The following SLC23A2 variants were observed in gnomAD, a reference collection of about 807,000 sequenced individuals.
SLC23A2 encodes the protein solute carrier family 23 member 2, also known as Na(+)/L-ascorbic acid transporter 2.
Under a neutral mutation model 73.3 loss-of-function variants are expected in SLC23A2, and 36 were observed. The ratio of observed to expected loss-of-function variants is 0.49; its 90% CI spans 0.38 to 0.65. SLC23A2 has a LOEUF of 0.65. SLC23A2 is among the 30% of genes least tolerant of loss of function. The probability of loss-of-function intolerance (pLI) is 0.00; values close to 1 mark genes in which losing one functional copy is unlikely to be tolerated. For missense variants in SLC23A2, 507 were observed against 841.6 expected, an observed-to-expected ratio of 0.60 and a Z score of 4.92; for synonymous variants, 343 against 327.3, an observed-to-expected ratio of 1.05 and a Z score of -0.52.
At chr20:5,010,311 G>A (rs550757412), upstream of SLC23A2, 1 of 152,146 alleles carries the variant, frequency 6.6e-6, no homozygotes, top group South Asian at 2.1e-4. Context: ...TCCAGAAGAG[G>A]GTGCAAATGT....
At chr20:5,008,481 C>T (rs1031493057) in intron 1 of SLC23A2, among the ~76,000 whole-genome samples, 4 of 152,304 alleles carry the variant, frequency 2.6e-5, no homozygotes, top group Middle Eastern at 3.4e-3. Flanking sequence ...TCTGCAGCTC[C>T]GGCAGATCTG....
intron 6 of SLC23A2, among the ~76,000 whole-genome samples, chr20:4,896,617 C>T (rs375618934): frequency 7.9e-5 from 12 of 152,158 alleles, no homozygotes; most frequent in East Asian, 1.9e-4. Flanking sequence ...ACCCCCAGGA[C>T]GAGAAAGAGT....
At chr20:4,903,063 T>C (rs1931810748) in intron 4 of SLC23A2, among the ~76,000 whole-genome samples, 1 of 144,724 alleles carries the variant, frequency 6.9e-6, no homozygotes, top group Non-Finnish European at 1.5e-5. Context: ...CAAACACTAT[T>C]GCTCAGATAA....
intron 3 of SLC23A2, among the ~76,000 whole-genome samples, chr20:4,923,338 G>A (rs1467363946): frequency 1.3e-5 from 2 of 152,096 alleles, no homozygotes; most frequent in Admixed American, 6.5e-5. Flanking sequence ...GCATCCCATC[G>A]TTTTGATGTT....
chr20:4,893,440 A>C (rs1446998944), intron 6 of SLC23A2, among the ~76,000 whole-genome samples: 1 of 152,186 alleles, frequency 6.6e-6, no homozygotes, highest in Non-Finnish European at 1.5e-5. Context: ...CAGAAAGAGA[A>C]GTGGGGTCTC....
At chr20:4,926,529 T>C (rs1258384375) in intron 3 of SLC23A2, among the ~76,000 whole-genome samples, 1 of 151,068 alleles carries the variant, frequency 6.6e-6, no homozygotes, top group African/African-American at 2.4e-5. Flanking sequence ...TTTTTTTTTT[T>C]TTCCTGATTC....
At chr20:5,004,669 A>T (rs1175849502), upstream of SLC23A2, among the ~76,000 whole-genome samples, 2 of 151,844 alleles carry the variant, frequency 1.3e-5, no homozygotes, top group Non-Finnish European at 2.9e-5. Flanking sequence ...ACATGGGGAG[A>T]CCCCATCTCT....
At chr20:4,908,995 C>T (rs893045666) in intron 4 of SLC23A2, among the ~76,000 whole-genome samples, 10 of 152,116 alleles carry the variant, frequency 6.6e-5, no homozygotes, top group African/African-American at 2.4e-4. Flanking sequence ...AATACACATG[C>T]AGTATTTTCC....
At chr20:4,859,895 T>A (rs1328443882) in intron 15 of SLC23A2, among the ~76,000 whole-genome samples, 1 of 152,200 alleles carries the variant, frequency 6.6e-6, no homozygotes, top group Non-Finnish European at 1.5e-5. Context: ...ATATGACATA[T>A]TAAATGTAAA....
chr20:4,994,740 G>A (rs963722548), intron 1 of SLC23A2, among the ~76,000 whole-genome samples: 5 of 150,880 alleles, frequency 3.3e-5, no homozygotes, highest in Non-Finnish European at 7.4e-5. Flanking sequence ...CAGCCTGGGC[G>A]ACAGAGCAAG....
At chr20:4,920,570 T>A (rs1417052601) in intron 3 of SLC23A2, among the ~76,000 whole-genome samples, 1 of 152,208 alleles carries the variant, frequency 6.6e-6, no homozygotes, top group Non-Finnish European at 1.5e-5. Flanking sequence ...TCTGCAGTAA[T>A]TAAATAAATT....
chr20:4,957,087 G>C (rs113678532), intron 2 of SLC23A2, among the ~76,000 whole-genome samples: 1 of 151,968 alleles, frequency 6.6e-6, no homozygotes, highest in Admixed American at 6.6e-5. Flanking sequence ...GATTACAGGC[G>C]TGAGTTACTG....
At position 4,862,708 on chromosome 20, in the gene SLC23A2, A is replaced by C. The variant is rs1476226055; in HGVS notation, c.1486+70T>G. On this transcript the variant is annotated intron_variant, in intron 14 of 16. Coordinates refer to ENST00000338244, the MANE Select transcript of SLC23A2 (RefSeq NM_005116.6). The surrounding 1 kb of genome is among the most constrained non-coding windows in gnomAD (Gnocchi z 5.1). The stretch of plus-strand genomic sequence containing the variant: ...CGTTACCTTCTTACTGAAGGGAGTC[A>C]GCAAAAACACCATGACCCCTATTAA... The C allele has an allele frequency of 1.0e-5, 14 of 1,405,058 alleles. No individual in the cohort carries two copies. The highest frequency in any genetic ancestry group is 1.3e-5 in the Non-Finnish European group (13 of 1,019,010). 87.0% of individuals were successfully genotyped at this position (1,405,058 alleles called of 1,614,324 possible).
At chr20:4,882,927 C>G (rs1911935036) in intron 9 of SLC23A2, among the ~76,000 whole-genome samples, 1 of 152,170 alleles carries the variant, frequency 6.6e-6, no homozygotes, top group African/African-American at 2.4e-5. Flanking sequence ...TACACATAAT[C>G]AACTCTTAAA....
At position 4,885,916 on chromosome 20, in the gene SLC23A2, G is replaced by T; in HGVS notation, c.483-7C>A. On this transcript the variant is annotated splice_region_variant and splice_polypyrimidine_tract_variant and intron_variant, in intron 6 of 16. Transcript: ENST00000338244. The stretch of plus-strand genomic sequence containing the variant: ...GGCCTGAAACAGGGGTAACCTAAAA[G>T]AAACGAGACCAAAACCATGATCACG... 6.2e-7 allele frequency: 1 copy of T among 1,603,784 alleles called. No homozygotes were observed. The highest frequency in any genetic ancestry group is 8.5e-7 in the Non-Finnish European group (1 of 1,172,582).
chr20:4,909,663 C>G (rs1932075158), intron 4 of SLC23A2, among the ~76,000 whole-genome samples: 1 of 152,186 alleles, frequency 6.6e-6, no homozygotes, highest in Admixed American at 6.5e-5. Context: ...AAGCAATTCT[C>G]TTGCCTCAGC....
intron 12 of SLC23A2, 133 bp downstream of exon 12, chr20:4,869,773 C>T: frequency 1.4e-6 from 1 of 696,988 alleles, no homozygotes; most frequent in African/African-American, 1.8e-5. Flanking sequence ...ATGCATCAAA[C>T]AGTCGCTAGA....
chr20:4,885,764 C>T, intron 7 of SLC23A2, 57 bp downstream of exon 7: 1 of 1,238,560 alleles, frequency 8.1e-7, no homozygotes, highest in Admixed American at 1.7e-5. Context: ...GTCCAGGCCT[C>T]CCTTTACACC....
At chr20:4,959,449 G>A (rs912731781) in intron 2 of SLC23A2, among the ~76,000 whole-genome samples, 34 of 152,086 alleles carry the variant, frequency 2.2e-4, no homozygotes, top group African/African-American at 6.3e-4. Context: ...GAAACCTTAC[G>A]TTCAGACAAG....
Sources: allele counts gnomAD v4.1 joint callset (sites outside exome capture counted in the v4.1 genomes callset), GRCh38; gene constraint gnomAD v4.1.1; non-coding constraint Gnocchi (gnomAD v3.1); transcripts MANE v1.5; gene names NCBI Gene and HGNC (gene_info 2026-07-23, HGNC 2026-07-21).